ZMYM2: variants seen among roughly 807,000 people sequenced by gnomAD.
The protein encoded by ZMYM2 is zinc finger MYM-type protein 2.
In ZMYM2, 56 loss-of-function variants were observed where a neutral mutation model predicts 162.8. The ratio of observed to expected loss-of-function variants is 0.34; its 90% CI spans 0.28 to 0.43. The LOEUF is 0.43. Ranked by LOEUF, ZMYM2 falls within the 20% of genes least tolerant of loss-of-function variation. ZMYM2 has a pLI of 1.00. For synonymous variants in ZMYM2, 510 were observed against 541.6 expected (o/e 0.94, Z 0.81); for missense variants, 1,275 against 1,621.8 (o/e 0.79, Z 3.67).
At chr13:19,882,876 T>TTTTGACCC in the ZMYM2 span, among the ~76,000 whole-genome samples, 19 of 152,194 alleles carry the variant, frequency 1.2e-4, no homozygotes, top group Non-Finnish European at 2.2e-4. Context: ...ATTAATTATC[T>TTTTGACCC]TTTGACCCAG....
chr13:19,905,494 C>T, the ZMYM2 span, among the ~76,000 whole-genome samples: 10 of 152,132 alleles, frequency 6.6e-5, no homozygotes, highest in African/African-American at 1.4e-4. Context: ...ACTTAATTAT[C>T]AGGCTGTCAC....
intron 2 of ZMYM2, among the ~76,000 whole-genome samples, chr13:19,973,006 G>A (rs946730758): frequency 1.3e-5 from 2 of 150,386 alleles, no homozygotes; most frequent in Non-Finnish European, 1.5e-5. Context: ...GTGCGATCTC[G>A]GCTCACTGCA....
chr13:19,959,168 G>C (rs902169542), intron 1 of ZMYM2, among the ~76,000 whole-genome samples: 4 of 148,198 alleles, frequency 2.7e-5, no homozygotes, highest in Non-Finnish European at 6.0e-5. Flanking sequence ...GGGTCGCGGG[G>C]CCGGCGGGGC....
chr13:20,031,299 T>A lies in ZMYM2; in HGVS notation c.1852-20T>A. Reference sequence around the variant, plus strand: ...TCAAACATACATGTCAGGCTTAGTATCTTTTGTTCTTTGTTTTAGGCTCTA... The same window carrying A: ...TCAAACATACATGTCAGGCTTAGTAACTTTTGTTCTTTGTTTTAGGCTCTA... On this transcript the variant is annotated intron_variant, in intron 9 of 24. Coordinates refer to ENST00000610343, the MANE Select transcript of ZMYM2 (RefSeq NM_197968.4). The A allele has an allele frequency of 6.5e-7, 1 of 1,541,042 alleles. No individual in the cohort carries two copies. The highest frequency in any genetic ancestry group is 8.9e-7 in the Non-Finnish European group (1 of 1,127,098).
chr13:19,979,222 A>C (rs1402688949), intron 2 of ZMYM2, among the ~76,000 whole-genome samples: 2 of 152,166 alleles, frequency 1.3e-5, no homozygotes, highest in Non-Finnish European at 2.9e-5. Context: ...ATGTGTCTTG[A>C]CATGGATATC....
intron 2 of ZMYM2, among the ~76,000 whole-genome samples, chr13:19,965,978 C>T (rs539925675): frequency 2.0e-5 from 3 of 151,810 alleles, no homozygotes; most frequent in Non-Finnish European, 4.4e-5. Flanking sequence ...CAGGGTTTCA[C>T]CGTGTTGGCC....
At chr13:19,907,803 G>A in the ZMYM2 span, among the ~76,000 whole-genome samples, 72 of 114,926 alleles carry the variant, frequency 6.3e-4, no homozygotes, top group Non-Finnish European at 9.5e-4. Flanking sequence ...CTATTTTTAA[G>A]ACTTTATACG....
At chr13:19,961,099 C>T (rs1955158488) in intron 2 of ZMYM2, among the ~76,000 whole-genome samples, 1 of 151,238 alleles carries the variant, frequency 6.6e-6, no homozygotes, top group South Asian at 2.1e-4. Flanking sequence ...TTATTGTATG[C>T]TAGCCCAATT....
intron 6 of ZMYM2, among the ~76,000 whole-genome samples, chr13:20,016,463 G>A (rs922733897): frequency 6.6e-6 from 1 of 152,086 alleles, no homozygotes; most frequent in Non-Finnish European, 1.5e-5. Context: ...ACTAAAGATT[G>A]GGTCAAGTGT....
the ZMYM2 span, among the ~76,000 whole-genome samples, chr13:19,878,446 G>A: frequency 3.3e-5 from 5 of 151,684 alleles, no homozygotes; most frequent in Non-Finnish European, 4.4e-5. Flanking sequence ...TAGAGATGTC[G>A]AGCATCTTTT....
chr13:19,877,220 A>AC, the ZMYM2 span, among the ~76,000 whole-genome samples: 15 of 149,808 alleles, frequency 1.0e-4, no homozygotes, highest in South Asian at 2.1e-4. Context: ...TCAAAAAAAA[A>AC]AAAAAAAACA....
At chr13:20,059,061 T>C (rs1956031092) in intron 15 of ZMYM2, 2 of 407,284 alleles carry the variant, frequency 4.9e-6, no homozygotes, top group Admixed American at 7.8e-5. Context: ...CCTGTCAGAA[T>C]GAGGTGAAAT....
In ZMYM2 at chr13:20,002,836, A is replaced by G. The variant is rs762679425; in HGVS notation, c.848-14A>G. The G allele has an allele frequency of 6.2e-7, 1 of 1,609,024 alleles. No individual in the cohort carries two copies. The highest frequency in any genetic ancestry group is 1.1e-5 in the South Asian group (1 of 90,826). ...CTTGTTTCATTATTCTTTCTTGTGC[A>G]TTTTGTTTTTAAGATTCTTGGATCT... On this transcript the variant is annotated splice_polypyrimidine_tract_variant and intron_variant, in intron 3 of 24. Transcript: ENST00000610343.
At chr13:20,021,391 T>C (rs2140190135) in intron 7 of ZMYM2, among the ~76,000 whole-genome samples, 1 of 145,326 alleles carries the variant, frequency 6.9e-6, no homozygotes, top group African/African-American at 2.5e-5. Context: ...TTTGACAAAA[T>C]GCCTGTCATT....
intron 21 of ZMYM2, among the ~76,000 whole-genome samples, chr13:20,074,437 T>C (rs1028974747): frequency 1.3e-5 from 2 of 152,130 alleles, no homozygotes; most frequent in African/African-American, 4.8e-5. Flanking sequence ...GGTTTCGCCA[T>C]GTTGACCAGT....
chr13:19,979,428 CT>C (rs71763618), intron 2 of ZMYM2, among the ~76,000 whole-genome samples: 70,006 of 110,408 alleles, frequency 0.63, 20,492 homozygotes, highest in East Asian at 0.73. Flanking sequence ...TTTTTCTGCA[CT>C]TTTTTTTTTT....
intron 2 of ZMYM2, among the ~76,000 whole-genome samples, chr13:19,989,981 C>CT (rs1458925136): frequency 6.6e-6 from 1 of 152,218 alleles, no homozygotes; most frequent in African/African-American, 2.4e-5. Flanking sequence ...TCATCTCTCA[C>CT]TTGGACCATT....
At chr13:19,969,696 C>G (rs1226026798) in intron 2 of ZMYM2, among the ~76,000 whole-genome samples, 3 of 151,988 alleles carry the variant, frequency 2.0e-5, no homozygotes, top group African/African-American at 7.2e-5. Context: ...ACTTTATTTA[C>G]TAGATAATTT....
the ZMYM2 span, chr13:19,864,343 CTG>C: frequency 6.5e-6 from 1 of 154,990 alleles, no homozygotes; most frequent in South Asian, 2.0e-4. Context: ...GTCGGGACAA[CTG>C]TGGGAACTTG....
Sources: gnomAD v4.1 joint callset for allele counts (sites outside exome capture counted in the v4.1 genomes callset) on GRCh38, gnomAD v4.1.1 for gene constraint, MANE v1.5 for transcripts, NCBI Gene and HGNC (gene_info 2026-07-23, HGNC 2026-07-21) for gene names.